SGPP2: variants seen among roughly 807,000 people sequenced by gnomAD.
SGPP2 encodes sphingosine 1-phosphate phosphohydrolase 2.
A neutral mutation model predicts 33.9 loss-of-function variants in SGPP2; 30 were observed. The observed-to-expected ratio is 0.89, with a 90% CI of 0.66 to 1.20. The LOEUF (loss-of-function observed/expected upper bound fraction) is 1.20. Ranked by LOEUF, SGPP2 falls within the 50% of genes most tolerant of loss-of-function variation. The pLI is 0.00. For synonymous variants in SGPP2, 233 were observed against 225.0 expected, an observed-to-expected ratio of 1.04 and a Z score of -0.32; for missense variants, 458 against 532.1, an observed-to-expected ratio of 0.86 and a Z score of 1.37.
At chr2:222,449,090 G>A (rs941461990) in intron 1 of SGPP2, among the ~76,000 whole-genome samples, 4 of 152,174 alleles carry the variant, frequency 2.6e-5, no homozygotes, top group South Asian at 4.1e-4. Context: ...TGGAGATTCC[G>A]AAAACATGTT....
In SGPP2 at chr2:222,558,795, G is replaced by A. The variant is rs1367514905; in HGVS notation, c.1097G>A (p.Arg366Lys). ...ACCAGGAACAAGGAGGCCAGGCGGA[G>A]ACTGGAGATTGAAGTGCCTTACAAG... ...VVTRNKEARR[R>K]LEIEVPYKFV... The change falls in exon 5 of 5, where the codon AGA (arginine) becomes AAA (lysine). Residue 366 changes from arginine (R) to lysine (K), a missense_variant. Arg to Lys is a conservative substitution (Grantham distance 26). Coordinates refer to ENST00000321276, the MANE Select transcript of SGPP2 (RefSeq NM_152386.4). 6.2e-7 allele frequency: 1 copy of A among 1,614,148 alleles called. No homozygotes were observed. The highest frequency in any genetic ancestry group is 1.7e-5 in the Admixed American group (1 of 60,028).
At chr2:222,448,745 G>A (rs989350254) in intron 1 of SGPP2, among the ~76,000 whole-genome samples, 1 of 152,118 alleles carries the variant, frequency 6.6e-6, no homozygotes, top group Non-Finnish European at 1.5e-5. Flanking sequence ...ACATGATAAG[G>A]CACTGTGTTC....
In SGPP2 at chr2:222,560,898, G is replaced by C. The variant is rs1689524734; in HGVS notation, c.*2000G>C. ...CGAGGTGGGCGGACCACGAGGTCAGGAGATCGAGACCATCCTGGCTAACAC... is the reference window on the plus strand; with the variant it reads ...CGAGGTGGGCGGACCACGAGGTCAGCAGATCGAGACCATCCTGGCTAACAC... On this transcript the variant is annotated 3_prime_UTR_variant, in exon 5 of 5. Coordinates refer to ENST00000321276, the MANE Select transcript of SGPP2 (RefSeq NM_152386.4). 1.3e-5 allele frequency: 2 copies of C among 152,134 alleles called. No individual in the cohort carries two copies. The highest frequency in any genetic ancestry group is 4.8e-5 in the African/African-American group (2 of 41,426). The allele number at this position is 152,134 out of a possible 1,614,324, so 9.4% of individuals were successfully genotyped here. A position where few individuals can be genotyped will look rare whatever the true frequency, so the allele number is the denominator to read the frequency against.
At position 222,560,933 on chromosome 2, in the gene SGPP2, T is replaced by C. The variant is rs540802093; in HGVS notation, c.*2035T>C. 2 of 151,968 alleles carry C rather than the reference T, an allele frequency of 1.3e-5. No individual in the cohort carries two copies. Among genetic ancestry groups the C allele is most frequent in the African/African-American group, 4.8e-5 (2 of 41,426 alleles). 9.4% of individuals were successfully genotyped at this position (151,968 alleles called of 1,614,324 possible). A position where few individuals can be genotyped will look rare whatever the true frequency, so the allele number is the denominator to read the frequency against. On this transcript the variant is annotated 3_prime_UTR_variant, in exon 5 of 5. Coordinates refer to ENST00000321276, the MANE Select transcript of SGPP2 (RefSeq NM_152386.4). The stretch of plus-strand genomic sequence containing the variant: ...CCATCCTGGCTAACACGGTACCCCG[T>C]CTCTACTGAAAATACAAAAAAATTA...
chr2:222,530,786 T>C (rs1376618733), intron 4 of SGPP2, among the ~76,000 whole-genome samples: 2 of 152,248 alleles, frequency 1.3e-5, no homozygotes, highest in Admixed American at 1.3e-4. Flanking sequence ...TCAATATGGC[T>C]GTTTGGTACA....
intron 1 of SGPP2, chr2:222,452,684 G>A (rs1238559706): frequency 1.4e-6 from 2 of 1,381,516 alleles, no homozygotes; most frequent in Non-Finnish European, 2.1e-6. Flanking sequence ...TCAGGCTGTG[G>A]TTGCTGCAGC....
At chr2:222,429,348 C>A (rs1435286220) in intron 1 of SGPP2, among the ~76,000 whole-genome samples, 1 of 152,196 alleles carries the variant, frequency 6.6e-6, no homozygotes, top group Admixed American at 6.5e-5. Context: ...GCAGCCGTGA[C>A]ATTTTGGCTT....
rs1358609787 is a variant in SGPP2 at position 222,465,203 on chromosome 2, C to T, written c.220-9365C>T. Reference sequence around the variant, plus strand: ...GTTGTCCTTACATTTTATTGACTTTCAGTCTCGCCATCCTGAAATTTTAAT... The same window carrying T: ...GTTGTCCTTACATTTTATTGACTTTTAGTCTCGCCATCCTGAAATTTTAAT... On this transcript the variant is annotated intron_variant, in intron 1 of 4. Coordinates refer to ENST00000321276, the MANE Select transcript of SGPP2 (RefSeq NM_152386.4). This position sits in a 1 kb window ranked among gnomAD's most constrained non-coding sequence, Gnocchi z 4.1. 6.6e-6 allele frequency among the ~76,000 whole-genome samples: 1 copy of T among 152,166 alleles called. No individual in the cohort carries two copies. Among genetic ancestry groups the T allele is most frequent in the Admixed American group, 6.5e-5 (1 of 15,282 alleles).
chr2:222,487,804 C>G (rs934177314), intron 2 of SGPP2, among the ~76,000 whole-genome samples: 3 of 152,112 alleles, frequency 2.0e-5, no homozygotes, highest in Non-Finnish European at 4.4e-5. Context: ...AATCTGCAAC[C>G]GCTTGCAAAT....
chr2:222,477,001 A>G lies in SGPP2; in HGVS notation c.378+2275A>G, dbSNP rs1262053248. ...ATATAGGTGTGTGTATATTTTGTGT[A>G]TTTATGTGTGTATGTATATAGGTGT... On this transcript the variant is annotated intron_variant, in intron 2 of 4. Coordinates refer to ENST00000321276, the MANE Select transcript of SGPP2 (RefSeq NM_152386.4). This position sits in a 1 kb window ranked among gnomAD's most constrained non-coding sequence, Gnocchi z 6.0. Among the ~76,000 whole-genome samples the G allele has an allele frequency of 2.6e-5, 4 of 151,078 alleles. No homozygotes were observed. The highest frequency in any genetic ancestry group is 3.5e-3 in the Middle Eastern group (1 of 286).
At chr2:222,491,166 G>T (rs1698191955) in intron 2 of SGPP2, among the ~76,000 whole-genome samples, 1 of 151,524 alleles carries the variant, frequency 6.6e-6, no homozygotes, top group Non-Finnish European at 1.5e-5. Flanking sequence ...ACAGAGTCTT[G>T]ATCTGTCACC....
chr2:222,467,780 ATCTC>A (rs1041458393), intron 1 of SGPP2, among the ~76,000 whole-genome samples: 11 of 150,636 alleles, frequency 7.3e-5, no homozygotes, highest in African/African-American at 2.7e-4. Flanking sequence ...TGTAGATTTT[ATCTC>A]TCTCAGCCCC....
Position 222,560,564 on chromosome 2 carries a change from T to TAA in SGPP2, c.*1668_*1669dup, listed in dbSNP as rs1317966790. 6.6e-6 allele frequency: 1 copy of TAA among 152,156 alleles called. No homozygotes were observed. Among genetic ancestry groups the TAA allele is most frequent in the Non-Finnish European group, 1.5e-5 (1 of 68,046 alleles). The allele number at this position is 152,156 out of a possible 1,614,324, so 9.4% of individuals were successfully genotyped here. ...AAGAACAGGTATCAAGAACTTTCTT[T>TAA]AAAGTTAGTGTAACTATAGTTAACA... On this transcript the variant is annotated 3_prime_UTR_variant, in exon 5 of 5. Coordinates refer to ENST00000321276, the MANE Select transcript of SGPP2 (RefSeq NM_152386.4).
intron 1 of SGPP2, among the ~76,000 whole-genome samples, chr2:222,455,208 C>T (rs1032528796): frequency 4.2e-4 from 46 of 110,020 alleles, no homozygotes; most frequent in Non-Finnish European, 2.3e-4. Flanking sequence ...CCCACCACTC[C>T]AATCTCTTTA....
At chr2:222,469,004 A>G (rs1459010647) in intron 1 of SGPP2, among the ~76,000 whole-genome samples, 5 of 152,170 alleles carry the variant, frequency 3.3e-5, no homozygotes, top group Non-Finnish European at 5.9e-5. Flanking sequence ...ACCTTTTTTA[A>G]AAAAAACTTT....
chr2:222,492,779 T>G (rs1198569381), intron 2 of SGPP2, among the ~76,000 whole-genome samples: 10 of 152,236 alleles, frequency 6.6e-5, no homozygotes, highest in Admixed American at 6.5e-4. Context: ...CTGCTTCCCT[T>G]TTAAACATAA....
At chr2:222,534,997 C>G (rs908265907) in intron 4 of SGPP2, among the ~76,000 whole-genome samples, 24 of 152,152 alleles carry the variant, frequency 1.6e-4, no homozygotes, top group African/African-American at 5.8e-4. Context: ...CAAGAACTTT[C>G]ATATGTATTA....
At chr2:222,522,001 T>C (rs1196847864) in intron 3 of SGPP2, 55 bp downstream of exon 3, 1 of 1,438,836 alleles carries the variant, frequency 7.0e-7, no homozygotes, top group African/African-American at 1.5e-5. Flanking sequence ...AAATAGAGGC[T>C]GCACTTCTGA....
At chr2:222,494,830 G>T (rs1039921438) in intron 2 of SGPP2, among the ~76,000 whole-genome samples, 1 of 152,164 alleles carries the variant, frequency 6.6e-6, no homozygotes, top group African/African-American at 2.4e-5. Context: ...AAAGAAGTTT[G>T]TCTTTTTCTC....
Sources: gnomAD v4.1 joint callset for allele counts (sites outside exome capture counted in the v4.1 genomes callset) on GRCh38, gnomAD v4.1.1 for gene constraint, Gnocchi (gnomAD v3.1) non-coding constraint, MANE v1.5 for transcripts, NCBI Gene and HGNC (gene_info 2026-07-23, HGNC 2026-07-21) for gene names.